PKM: variants seen among roughly 807,000 people sequenced by gnomAD.
PKM encodes pyruvate kinase PKM.
Under a neutral mutation model 49.8 loss-of-function variants are expected in PKM, and 18 were observed. The observed-to-expected ratio is 0.36, with a 90% CI of 0.25 to 0.54. The LOEUF is 0.54. PKM is among the 20% of genes least tolerant of loss of function. The pLI, the probability that PKM is intolerant of heterozygous loss-of-function variation, is 0.89. For synonymous variants in PKM, 239 were observed against 261.8 expected (o/e 0.91, Z 0.84); for missense variants, 508 against 713.8 (o/e 0.71, Z 3.28).
chr15:72,212,862 G>C (rs999834427), intron 3 of PKM, among the ~76,000 whole-genome samples: 1 of 152,146 alleles, frequency 6.6e-6, no homozygotes, highest in Admixed American at 6.5e-5. Flanking sequence ...ACAAGGTCAG[G>C]AGATCGAGAC....
At position 72,200,678 on chromosome 15, in the gene PKM, C is replaced by G. The variant is rs767921028; in HGVS notation, c.1308-23G>C. 2.5e-6 allele frequency: 4 copies of G among 1,598,936 alleles called. No homozygotes were observed. In the African/African-American group the frequency reaches 5.4e-5, roughly 21 times the overall value. The stretch of plus-strand genomic sequence containing the variant: ...GACCTGAGATGGGATGGGGGACATA[C>G]AGAAGAGACCATTACACGAGGCCCC... On this transcript the variant is annotated intron_variant, in intron 9 of 10. Coordinates refer to ENST00000335181, the MANE Select transcript of PKM (RefSeq NM_002654.6). The surrounding 1 kb of genome is among the most constrained non-coding windows in gnomAD (Gnocchi z 4.6).
At chr15:72,227,829 A>T (rs562557481) in intron 1 of PKM, among the ~76,000 whole-genome samples, 103 of 149,622 alleles carry the variant, frequency 6.9e-4, no homozygotes, top group Non-Finnish European at 5.2e-4. Flanking sequence ...TTGTAATGTA[A>T]GTGCTGCATT....
intron 1 of PKM, among the ~76,000 whole-genome samples, chr15:72,229,899 G>A (rs1260874015): frequency 6.7e-6 from 1 of 148,786 alleles, no homozygotes; most frequent in African/African-American, 2.5e-5. Context: ...GTTAAAAAAT[G>A]TGCCGGATAA....
At chr15:72,210,137 A>G in intron 4 of PKM, 2 of 686,616 alleles carry the variant, frequency 2.9e-6, no homozygotes, top group Non-Finnish European at 4.9e-6. Flanking sequence ...AGGGTAAAAA[A>G]AAAAGGTTCC....
intron 5 of PKM, 97 bp downstream of exon 5, chr15:72,209,576 C>T: frequency 9.9e-7 from 1 of 1,007,596 alleles, no homozygotes; most frequent in South Asian, 1.3e-5. Flanking sequence ...GACTCAATCT[C>T]ACTGCCAGGC....
chr15:72,199,784 G>A (rs542682473), intron 10 of PKM, 28 bp from the exon 11 acceptor site: 1 of 1,533,048 alleles, frequency 6.5e-7, no homozygotes. Context: ...AGGTTGGTGA[G>A]TAAAAGCCAA....
intron 3 of PKM, 119 bp downstream of exon 3, chr15:72,217,290 C>A (rs1285529458): frequency 4.1e-6 from 3 of 728,638 alleles, no homozygotes; most frequent in African/African-American, 3.4e-5. Context: ...ACAAACTTCA[C>A]ACTGACTGTG....
At chr15:72,221,349 C>T (rs1333858245) in intron 1 of PKM, 3 of 934,962 alleles carry the variant, frequency 3.2e-6, no homozygotes, top group South Asian at 1.5e-5. Context: ...GAAAAATTAC[C>T]TTAATAACCA....
Position 72,200,349 on chromosome 15 carries a change from C to T in PKM, c.1489+125G>A, listed in dbSNP as rs1302127424. The T allele has an allele frequency of 2.5e-6, 2 of 811,948 alleles. No individual in the cohort carries two copies. The highest frequency in any genetic ancestry group is 4.2e-6 in the Non-Finnish European group (2 of 479,276). The allele number at this position is 811,948 out of a possible 1,614,324, so 50.3% of individuals were successfully genotyped here. On this transcript the variant is annotated intron_variant, in intron 10 of 10. Coordinates refer to ENST00000335181, the MANE Select transcript of PKM (RefSeq NM_002654.6). The surrounding 1 kb of genome is among the most constrained non-coding windows in gnomAD (Gnocchi z 4.6). ...ATAAGGGAGAGGAACAGTCGCTGGG[C>T]CTTTTGCCCCACTAAGGTCTGTGTG...
intron 8 of PKM, among the ~76,000 whole-genome samples, chr15:72,206,013 C>T (rs1175664630): frequency 6.6e-6 from 1 of 151,956 alleles, no homozygotes; most frequent in Admixed American, 6.6e-5. Flanking sequence ...AGAGCCTCCA[C>T]GACTCCTCCA....
At chr15:72,216,539 C>A (rs1462967383) in intron 3 of PKM, among the ~76,000 whole-genome samples, 1 of 152,312 alleles carries the variant, frequency 6.6e-6, no homozygotes. Context: ...AAGAGGATCA[C>A]TTGAACCTGG....
At chr15:72,215,481 A>G (rs2082357230) in intron 3 of PKM, among the ~76,000 whole-genome samples, 1 of 152,254 alleles carries the variant, frequency 6.6e-6, no homozygotes, top group South Asian at 2.1e-4. Flanking sequence ...CTAAAACTTC[A>G]AAATGAACAC....
intron 1 of PKM, among the ~76,000 whole-genome samples, chr15:72,220,433 C>T (rs1026176317): frequency 6.6e-6 from 1 of 152,170 alleles, no homozygotes; most frequent in African/African-American, 2.4e-5. Context: ...TCTCTGCCAT[C>T]TCCAAAGAAG....
chr15:72,219,174 C>A, intron 1 of PKM, 64 bp from the exon 2 acceptor site: 3 of 1,449,872 alleles, frequency 2.1e-6, no homozygotes, highest in Non-Finnish European at 9.5e-7. Context: ...CCATTTAGCA[C>A]AGAAGGCTGT....
At chr15:72,221,053 G>A (rs1365448783) in intron 1 of PKM, 2 of 706,786 alleles carry the variant, frequency 2.8e-6, no homozygotes, top group East Asian at 2.7e-5. Flanking sequence ...GAATAAGTGG[G>A]TTGGAGTAAC....
chr15:72,214,683 T>C (rs1157919695), intron 3 of PKM, among the ~76,000 whole-genome samples: 2 of 152,096 alleles, frequency 1.3e-5, no homozygotes, highest in Non-Finnish European at 2.9e-5. Context: ...TAATCTCAGA[T>C]ACTTAGGAGG....
chr15:72,230,040 G>C (rs2082806710), intron 1 of PKM, among the ~76,000 whole-genome samples: 2 of 152,226 alleles, frequency 1.3e-5, no homozygotes, highest in Non-Finnish European at 2.9e-5. Context: ...CGAGGCCCAA[G>C]GCCATCGCCC....
chr15:72,229,701 T>TA (rs1449819468), intron 1 of PKM: 1 of 1,222,644 alleles, frequency 8.2e-7, no homozygotes, highest in African/African-American at 1.5e-5. Flanking sequence ...TTACAGGAGA[T>TA]ACATTTTAAG....
Position 72,200,973 on chromosome 15 carries a change from C to G in PKM, c.1308-318G>C. ...CAGAACCCCTCCTACACCCTGAACT[C>G]TGACACAGAGAGGCAGCCCTGGCCC... On this transcript the variant is annotated intron_variant, in intron 9 of 10. Transcript: ENST00000335181. The surrounding 1 kb of genome is among the most constrained non-coding windows in gnomAD (Gnocchi z 4.6). 3.4e-6 allele frequency: 1 copy of G among 297,260 alleles called. No individual in the cohort carries two copies. Among genetic ancestry groups the G allele is most frequent in the Non-Finnish European group, 6.4e-6 (1 of 156,386 alleles). 18.4% of individuals were successfully genotyped at this position (297,260 alleles called of 1,614,324 possible).
Sources: gnomAD v4.1 joint callset for allele counts (sites outside exome capture counted in the v4.1 genomes callset) on GRCh38, gnomAD v4.1.1 for gene constraint, Gnocchi (gnomAD v3.1) non-coding constraint, MANE v1.5 for transcripts, NCBI Gene and HGNC (gene_info 2026-07-23, HGNC 2026-07-21) for gene names.